Variants in SIK3 observed in about 807,000 individuals in gnomAD.
The protein encoded by SIK3 is SIK family kinase 3.
In SIK3, 28 loss-of-function variants were observed where a neutral mutation model predicts 144.2. The ratio of observed to expected loss-of-function variants is 0.19; its 90% CI spans 0.14 to 0.27. The LOEUF (loss-of-function observed/expected upper bound fraction) is 0.27. SIK3 is among the 10% of genes least tolerant of loss of function. SIK3 has a pLI of 1.00. For synonymous variants in SIK3, 686 were observed against 676.3 expected (o/e 1.01, Z -0.22); for missense variants, 1,319 against 1,776.0 (o/e 0.74, Z 4.62).
At chr11:116,896,666 T>G (rs1045952806) in intron 5 of SIK3, among the ~76,000 whole-genome samples, 1 of 152,230 alleles carries the variant, frequency 6.6e-6, no homozygotes, top group African/African-American at 2.4e-5. Flanking sequence ...GGGCTTCTTT[T>G]GCAAATGCAA....
chr11:117,026,139 G>A (rs1411682404), intron 1 of SIK3, among the ~76,000 whole-genome samples: 2 of 152,240 alleles, frequency 1.3e-5, no homozygotes, highest in East Asian at 1.9e-4. Context: ...AGATGATAAC[G>A]CTGTATTTAT....
intron 4 of SIK3, among the ~76,000 whole-genome samples, chr11:116,914,627 C>A (rs1332399947): frequency 6.6e-6 from 1 of 152,140 alleles, no homozygotes; most frequent in Non-Finnish European, 1.5e-5. Context: ...AACAAGCACA[C>A]ATGTAACTAT....
At chr11:116,982,212 C>T (rs1383327339) in intron 1 of SIK3, among the ~76,000 whole-genome samples, 1 of 152,134 alleles carries the variant, frequency 6.6e-6, no homozygotes, top group Non-Finnish European at 1.5e-5. Flanking sequence ...GTCTCTTGTC[C>T]CTCCACTTTC....
chr11:116,972,104 A>G (rs552248920), intron 1 of SIK3, among the ~76,000 whole-genome samples: 2 of 150,848 alleles, frequency 1.3e-5, no homozygotes, highest in South Asian at 2.1e-4. Context: ...AAAAAAAAAG[A>G]AAAGAATAAT....
intron 1 of SIK3, among the ~76,000 whole-genome samples, chr11:117,000,762 C>A (rs1337496990): frequency 6.6e-6 from 1 of 152,206 alleles, no homozygotes; most frequent in East Asian, 1.9e-4. Context: ...GCATTTCTTA[C>A]AGACTATTAA....
At chr11:116,897,059 A>C in intron 5 of SIK3, 134 bp downstream of exon 5, 1 of 884,914 alleles carries the variant, frequency 1.1e-6, no homozygotes, top group Non-Finnish European at 1.7e-6. Context: ...TTTGCACAGG[A>C]ATTGGGACTT....
At chr11:116,881,460 C>G (rs1944544584) in intron 6 of SIK3, among the ~76,000 whole-genome samples, 1 of 152,180 alleles carries the variant, frequency 6.6e-6, no homozygotes, top group Non-Finnish European at 1.5e-5. Flanking sequence ...GGGGAGAGAG[C>G]TGCTGTATGG....
rs1319425556 is a variant in SIK3, at chr11:116,863,823, A to G, written c.1953-5T>C. 1 of 1,599,364 alleles carries G rather than the reference A, an allele frequency of 6.3e-7. No homozygotes were observed. On this transcript the variant is annotated splice_region_variant and splice_polypyrimidine_tract_variant and intron_variant, in intron 15 of 24. Coordinates refer to ENST00000445177, the MANE Select transcript of SIK3 (RefSeq NM_001366686.3). ...TTGGAGTCCTTGTAGGTAGAGCTGA[A>G]TATATGGGAAGAGAAGGTTAGAGGC... is the stretch of plus-strand genomic sequence containing the variant.
intron 1 of SIK3, among the ~76,000 whole-genome samples, chr11:117,041,389 A>G (rs1952736358): frequency 6.6e-6 from 1 of 152,176 alleles, no homozygotes; most frequent in South Asian, 2.1e-4. Context: ...GATCCACAAG[A>G]CACTGGTACT....
rs7111854 is a variant in SIK3 at position 116,906,110 on chromosome 11, A to G, written c.617-8793T>C. On this transcript the variant is annotated intron_variant, in intron 4 of 24. Transcript: ENST00000445177. ...CTAGGACTTCTGAGCAGGCAGGTGAAGTGGTAAAATAAACTAGAAAGCAAG... is the reference window on the plus strand; with the variant it reads ...CTAGGACTTCTGAGCAGGCAGGTGAGGTGGTAAAATAAACTAGAAAGCAAG... Among the ~76,000 whole-genome samples the G allele has an allele frequency of 6.2e-4, 95 of 152,220 alleles. 1 individual carries two copies. Among genetic ancestry groups the G allele is most frequent in the Non-Finnish European group, 5.9e-5 (4 of 68,018 alleles).
intron 1 of SIK3, among the ~76,000 whole-genome samples, chr11:117,019,332 T>C (rs1951670550): frequency 1.3e-5 from 2 of 152,170 alleles, no homozygotes; most frequent in African/African-American, 4.8e-5. Context: ...ATTGTAACTT[T>C]ATTTTTTTCA....
intron 3 of SIK3, among the ~76,000 whole-genome samples, chr11:116,947,569 A>AGGTATGTATTT (rs1948729331): frequency 9.1e-6 from 1 of 109,448 alleles, no homozygotes; most frequent in South Asian, 3.3e-4. Context: ...GTATGTATGT[A>AGGTATGTATTT]TTTTTTTTTT....
chr11:116,886,878 CA>C (rs1219129168), intron 6 of SIK3, among the ~76,000 whole-genome samples: 2 of 152,220 alleles, frequency 1.3e-5, no homozygotes, highest in African/African-American at 4.8e-5. Flanking sequence ...CCTTCCACAA[CA>C]GCTCAAGAAA....
At chr11:116,859,798 A>G (rs888714823) in intron 19 of SIK3, among the ~76,000 whole-genome samples, 194 bp from the exon 20 acceptor site, 1 of 152,202 alleles carries the variant, frequency 6.6e-6, no homozygotes, top group Non-Finnish European at 1.5e-5. Context: ...TTCTGTTTCA[A>G]ACTCTGATTC....
chr11:117,091,263 G>A (rs958464483), intron 1 of SIK3, among the ~76,000 whole-genome samples: 8 of 138,412 alleles, frequency 5.8e-5, no homozygotes, highest in African/African-American at 2.1e-4. Flanking sequence ...GGAGTGCGAC[G>A]GCACGATCTC....
chr11:117,075,718 T>A (rs1168783886), intron 1 of SIK3, among the ~76,000 whole-genome samples: 3 of 151,310 alleles, frequency 2.0e-5, no homozygotes, highest in Non-Finnish European at 4.4e-5. Context: ...ATTTTTTTTT[T>A]ATTTTTAGTA....
chr11:116,920,124 T>C (rs886702386), intron 4 of SIK3, among the ~76,000 whole-genome samples: 2 of 151,498 alleles, frequency 1.3e-5, no homozygotes, highest in Non-Finnish European at 2.9e-5. Context: ...GAGACTCCTC[T>C]CCTTTAGCCT....
At position 116,876,256 on chromosome 11, in the gene SIK3, C is replaced by T; in HGVS notation, c.1092G>A (p.Leu364=). The part of the protein sequence containing the change: ...EDMGLDKEQT[L]QSLRSDAYDH... ...TTCTCCACTCCTTCGGAGATACCTG[C>T]AGTGTCTGTTCTTTGTCCAGTCCCA... The change falls in exon 8 of 25, where the codon CTG becomes CTA. Residue 364 remains leucine (L), a synonymous_variant. Transcript: ENST00000445177. The T allele has an allele frequency of 6.2e-7, 1 of 1,613,250 alleles. No individual in the cohort carries two copies. Among genetic ancestry groups the T allele is most frequent in the Non-Finnish European group, 8.5e-7 (1 of 1,179,222 alleles).
intron 1 of SIK3, among the ~76,000 whole-genome samples, chr11:117,061,327 TG>T (rs931324599): frequency 6.6e-6 from 1 of 152,152 alleles, no homozygotes; most frequent in African/African-American, 2.4e-5. Flanking sequence ...AGATAATGTC[TG>T]TTGTGTGTGT....
Sources: allele counts gnomAD v4.1 joint callset (sites outside exome capture counted in the v4.1 genomes callset), GRCh38; gene constraint gnomAD v4.1.1; transcripts MANE v1.5; gene names NCBI Gene and HGNC (gene_info 2026-07-23, HGNC 2026-07-21).